The following CDCP1 variants were observed in gnomAD, a reference collection of about 807,000 sequenced individuals.
CDCP1 encodes CUB domain-containing protein 1.
In CDCP1, 29 loss-of-function variants were observed where a neutral mutation model predicts 60.2. That is an observed-to-expected ratio of 0.48 (90% CI 0.36 to 0.66). The LOEUF (loss-of-function observed/expected upper bound fraction) is 0.66, where lower values mean the gene tolerates loss of function less well. Among genes scored for constraint, CDCP1 ranks in the 30% least tolerant of loss-of-function variants. The pLI is 0.00. For synonymous variants in CDCP1, 387 were observed against 431.1 expected (o/e 0.90, Z 1.27); for missense variants, 876 against 1,074.3 (o/e 0.82, Z 2.58).
chr3:45,088,925 T>G, intron 8 of CDCP1, 129 bp downstream of exon 8: 2 of 764,006 alleles, frequency 2.6e-6, no homozygotes, highest in Non-Finnish European at 2.2e-6. Flanking sequence ...CTGGCAATAT[T>G]GTTTAACATT....
intron 7 of CDCP1, among the ~76,000 whole-genome samples, chr3:45,089,494 GA>G (rs1339025110): frequency 6.6e-6 from 1 of 152,038 alleles, no homozygotes; most frequent in Non-Finnish European, 1.5e-5. Flanking sequence ...TTCCACCGGG[GA>G]AAAAAATCAA....
At chr3:45,142,126 C>T (rs1699300598) in intron 1 of CDCP1, among the ~76,000 whole-genome samples, 1 of 152,190 alleles carries the variant, frequency 6.6e-6, no homozygotes, top group Admixed American at 6.5e-5. Flanking sequence ...AGCCACTGCG[C>T]CTGGCTCGGT....
At chr3:45,096,674 A>G (rs1698405070) in intron 4 of CDCP1, among the ~76,000 whole-genome samples, 1 of 151,866 alleles carries the variant, frequency 6.6e-6, no homozygotes, top group African/African-American at 2.4e-5. Context: ...CCTAAATATA[A>G]ATATTGAGCA....
chr3:45,118,628 G>C lies in CDCP1; in HGVS notation c.83-7C>G. ...AGAGCAATCTCAAAAGCTTCTGAAG[G>C]AAGGAAGGAAAATGAAGTAAGCAGG... is the stretch of plus-strand genomic sequence containing the variant. On this transcript the variant is annotated splice_region_variant and splice_polypyrimidine_tract_variant and intron_variant, in intron 1 of 8. Coordinates refer to ENST00000296129, the MANE Select transcript of CDCP1 (RefSeq NM_022842.5). 6.2e-7 allele frequency: 1 copy of C among 1,613,046 alleles called. No homozygotes were observed. The highest frequency in any genetic ancestry group is 8.5e-7 in the Non-Finnish European group (1 of 1,179,348).
intron 4 of CDCP1, among the ~76,000 whole-genome samples, chr3:45,105,839 T>C (rs1698555300): frequency 6.6e-6 from 1 of 152,152 alleles, no homozygotes; most frequent in Non-Finnish European, 1.5e-5. Flanking sequence ...CATGGTAATC[T>C]TGTGATATCA....
At chr3:45,110,176 G>T in intron 4 of CDCP1, 2 of 1,235,126 alleles carry the variant, frequency 1.6e-6, no homozygotes, top group South Asian at 2.0e-5. Context: ...CACATTGCAG[G>T]GTCAAGACAT....
In CDCP1 at chr3:45,085,849, C is replaced by G. The variant is rs763532266; in HGVS notation, c.2300G>C (p.Gly767Ala). The G allele has an allele frequency of 4.3e-6, 7 of 1,614,146 alleles. No homozygotes were observed. Among genetic ancestry groups the G allele is most frequent in the Non-Finnish European group, 5.9e-6 (7 of 1,180,022 alleles). Residue 767 changes from glycine (G) to alanine (A), a missense_variant, in exon 9 of 9, where the codon GGC becomes GCC. Around this residue, in one of 2 missense-constraint regions of CDCP1, gnomAD observed 726 missense variants for 935.7 expected, o/e 0.78. Coordinates refer to ENST00000296129, the MANE Select transcript of CDCP1 (RefSeq NM_022842.5). This position sits in a 1 kb window ranked among gnomAD's most constrained non-coding sequence, Gnocchi z 4.2. Reference sequence around the variant, plus strand: ...GGAGGGAGGACAGACCCCCATGGTGCCCTGGAACGGCCGGTAGGTGTCCAC... The same window carrying G: ...GGAGGGAGGACAGACCCCCATGGTGGCCTGGAACGGCCGGTAGGTGTCCAC... ...PEVDTYRPFQ[G>A]TMGVCPPSPP...
At chr3:45,111,439 G>T (rs1443653974) in intron 3 of CDCP1, among the ~76,000 whole-genome samples, 1 of 152,198 alleles carries the variant, frequency 6.6e-6, no homozygotes, top group African/African-American at 2.4e-5. Context: ...ACTTTGGGAG[G>T]CCAAGGCAGG....
chr3:45,126,110 C>CTTTCTTTCCT (rs1464461640), intron 1 of CDCP1, among the ~76,000 whole-genome samples: 1 of 71,666 alleles, frequency 1.4e-5, no homozygotes, highest in Non-Finnish European at 2.7e-5. Context: ...GTCTCTCTCT[C>CTTTCTTTCCT]TTTCTTTCTT....
intron 4 of CDCP1, among the ~76,000 whole-genome samples, chr3:45,100,538 C>T (rs1698472041): frequency 6.6e-6 from 1 of 152,342 alleles, no homozygotes; most frequent in Admixed American, 6.5e-5. Flanking sequence ...GTTTTTCCCA[C>T]TGTTGGCTTA....
At chr3:45,112,900 G>A (rs1437164721) in intron 2 of CDCP1, among the ~76,000 whole-genome samples, 1 of 152,190 alleles carries the variant, frequency 6.6e-6, no homozygotes, top group Non-Finnish European at 1.5e-5. Flanking sequence ...GCTCTATCCT[G>A]CTTTCCTCAC....
intron 1 of CDCP1, among the ~76,000 whole-genome samples, chr3:45,129,225 A>T (rs1699048592): frequency 6.6e-6 from 1 of 152,228 alleles, no homozygotes; most frequent in African/African-American, 2.4e-5. Context: ...CACAGTCTAT[A>T]TCACAGTCTG....
intron 1 of CDCP1, among the ~76,000 whole-genome samples, chr3:45,138,054 G>A (rs1380566043): frequency 6.6e-6 from 1 of 152,194 alleles, no homozygotes; most frequent in East Asian, 1.9e-4. Flanking sequence ...CATGAAGATA[G>A]CTGCAATCCC....
At chr3:45,119,786 CAT>C (rs1698852289) in intron 1 of CDCP1, among the ~76,000 whole-genome samples, 1 of 152,196 alleles carries the variant, frequency 6.6e-6, no homozygotes, top group Non-Finnish European at 1.5e-5. Context: ...TGTATACACT[CAT>C]GTGACCACCA....
intron 1 of CDCP1, among the ~76,000 whole-genome samples, chr3:45,122,543 C>G (rs1044353275): frequency 3.3e-5 from 5 of 152,028 alleles, no homozygotes; most frequent in African/African-American, 1.2e-4. Flanking sequence ...CAACCTCTGC[C>G]TTTGGGACTC....
rs192603022 is a variant in CDCP1, at chr3:45,138,657, T to C, written c.82+7549A>G. ...TGAGGTCAAGAGTTCGAGACCAGCCTGGCCGACATGGTGAAACCTCGTCTC... is the reference window on the plus strand; with the variant it reads ...TGAGGTCAAGAGTTCGAGACCAGCCCGGCCGACATGGTGAAACCTCGTCTC... On this transcript the variant is annotated intron_variant, in intron 1 of 8. Transcript: ENST00000296129. 8.5e-5 allele frequency among the ~76,000 whole-genome samples: 13 copies of C among 152,324 alleles called. No homozygotes were observed. The East Asian group carries it at 1.7e-3, about 20-fold the overall frequency.
chr3:45,142,791 C>A (rs4683062), intron 1 of CDCP1, among the ~76,000 whole-genome samples: 30,662 of 151,744 alleles, frequency 0.2, 3,221 homozygotes, highest in Admixed American at 0.24. Context: ...CCTCTCTACT[C>A]TTCATCCCAG....
At chr3:45,130,056 C>T (rs547566124) in intron 1 of CDCP1, among the ~76,000 whole-genome samples, 3 of 152,064 alleles carry the variant, frequency 2.0e-5, no homozygotes, top group African/African-American at 7.2e-5. Flanking sequence ...CAATATGACA[C>T]ACACACACAC....
chr3:45,111,984 A>C, intron 3 of CDCP1, 99 bp downstream of exon 3: 7 of 1,413,944 alleles, frequency 5.0e-6, no homozygotes, highest in Non-Finnish European at 6.7e-6. Flanking sequence ...TTTTATATTG[A>C]GTATTAGAGA....
Sources: gnomAD v4.1 joint callset for allele counts (sites outside exome capture counted in the v4.1 genomes callset) on GRCh38, gnomAD v4.1.1 for gene constraint, gnomAD v4.1.1 regional missense constraint, Gnocchi (gnomAD v3.1) non-coding constraint, MANE v1.5 for transcripts, NCBI Gene and HGNC (gene_info 2026-07-23, HGNC 2026-07-21) for gene names.